ITGB5: variants seen among roughly 807,000 people sequenced by gnomAD.
The protein encoded by ITGB5 is integrin subunit beta 5, also known as integrin beta-5.
In ITGB5, 38 loss-of-function variants were observed where a neutral mutation model predicts 84.8. That is an observed-to-expected ratio of 0.45 (90% CI 0.35 to 0.59). The LOEUF (loss-of-function observed/expected upper bound fraction) is 0.59. ITGB5 is among the 20% of genes least tolerant of loss of function. The pLI is 0.01. For missense variants in ITGB5, 905 were observed against 1,034.5 expected, an observed-to-expected ratio of 0.87 and a Z score of 1.72; for synonymous variants, 393 against 414.4, an observed-to-expected ratio of 0.95 and a Z score of 0.63.
chr3:124,860,588 A>G (rs1579307335), intron 2 of ITGB5, among the ~76,000 whole-genome samples: 1 of 152,374 alleles, frequency 6.6e-6, no homozygotes, highest in East Asian at 1.9e-4. Context: ...ATTATAAATC[A>G]TGAAGCCTCC....
Position 124,796,720 on chromosome 3 carries a change from T to C in ITGB5, c.1361A>G (p.Glu454Gly). 6.2e-7 allele frequency: 1 copy of C among 1,614,098 alleles called. No individual in the cohort carries two copies. Among genetic ancestry groups the C allele is most frequent in the Non-Finnish European group, 8.5e-7 (1 of 1,180,034 alleles). Reference protein sequence around the residue: ...LRPVGFRDSLEVGVTYNCTCG... With the variant: ...LRPVGFRDSLGVGVTYNCTCG... ...CGTGCAGTTGTAGGTGACCCCCACCTCCAGGCTGTCCCGGAATCCCACCGG... is the reference window on the plus strand; with the variant it reads ...CGTGCAGTTGTAGGTGACCCCCACCCCCAGGCTGTCCCGGAATCCCACCGG... Residue 454 changes from glutamate (E) to glycine (G), a missense_variant, in exon 10 of 15, where the codon GAG becomes GGG. Physicochemically the swap from Glu to Gly is moderately conservative, Grantham distance 98. Around this residue, in one of 3 missense-constraint regions of ITGB5, gnomAD observed 656 missense variants for 734.7 expected, o/e 0.89. Coordinates refer to ENST00000296181, the MANE Select transcript of ITGB5 (RefSeq NM_002213.5).
At position 124,835,016 on chromosome 3, in the gene ITGB5, G is replaced by A. The variant is rs563493142; in HGVS notation, c.780+6367C>T. 8.5e-5 allele frequency among the ~76,000 whole-genome samples: 13 copies of A among 152,222 alleles called. No individual in the cohort carries two copies. The East Asian group carries it at 2.5e-3, about 29-fold the overall frequency. On this transcript the variant is annotated intron_variant, in intron 5 of 14. Coordinates refer to ENST00000296181, the MANE Select transcript of ITGB5 (RefSeq NM_002213.5). ...GAAAACAGAGCCCCAGCCATCAAAG[G>A]GGCCTCCTACCCTTTCCCCAGGATG...
At chr3:124,888,479 A>G (rs890860805), upstream of ITGB5, among the ~76,000 whole-genome samples, 3 of 152,094 alleles carry the variant, frequency 2.0e-5, no homozygotes, top group Admixed American at 2.0e-4. Flanking sequence ...TTTAGAGTGG[A>G]GTGGTTGATA....
At chr3:124,840,543 A>C (rs550535736) in intron 5 of ITGB5, among the ~76,000 whole-genome samples, 2 of 152,172 alleles carry the variant, frequency 1.3e-5, no homozygotes. Flanking sequence ...GAACCTCTCG[A>C]AGCATGAGTT....
chr3:124,796,557 C>T lies in ITGB5; in HGVS notation c.1524G>A (p.Val508=), dbSNP rs1280410558. 2 of 1,614,148 alleles carry T rather than the reference C, an allele frequency of 1.2e-6. No individual in the cohort carries two copies. The highest frequency in any genetic ancestry group is 1.7e-6 in the Non-Finnish European group (2 of 1,180,036). Residue 508 remains valine (V), a synonymous_variant, in exon 10 of 15, where the codon GTG becomes GTA. Transcript: ENST00000296181. ...CTGCCTCCCGGCACAGGTTCTGGTA[C>T]ACGCTCTGGTTCTCCCCATCCTGGC... ...CECQDGENQS[V]YQNLCREAEG...
rs181372104 is a variant in ITGB5 at position 124,886,459 on chromosome 3, G to A, written c.70+472C>T. ...CGCTGTTCCAGGAGGCGAGCCCTCC[G>A]GAGTGGAGGTGGCCCCGGGCTTTGG... On this transcript the variant is annotated intron_variant, in intron 1 of 14. Transcript: ENST00000296181. Among the ~76,000 whole-genome samples, 558 of 152,280 alleles carry A rather than the reference G, an allele frequency of 3.7e-3. 5 individuals carry two copies. The highest frequency in any genetic ancestry group is 0.012 in the African/African-American group (491 of 41,568).
chr3:124,822,880 A>T (rs1045020983), intron 5 of ITGB5, among the ~76,000 whole-genome samples: 2 of 152,214 alleles, frequency 1.3e-5, no homozygotes, highest in African/African-American at 4.8e-5. Flanking sequence ...TCCAATGCTA[A>T]TGGAAGCCAG....
upstream of ITGB5, among the ~76,000 whole-genome samples, chr3:124,888,285 T>C (rs1331353618): frequency 6.6e-6 from 1 of 152,210 alleles, no homozygotes; most frequent in Non-Finnish European, 1.5e-5. Flanking sequence ...CTATATTTCG[T>C]TGTCCTTACT....
At chr3:124,859,507 C>A in intron 2 of ITGB5, 61 bp from the exon 3 acceptor site, 8 of 1,352,754 alleles carry the variant, frequency 5.9e-6, no homozygotes, top group Non-Finnish European at 8.3e-6. Flanking sequence ...GAAAACATCG[C>A]ATGTCGTGGC....
At chr3:124,787,293 G>A (rs946181453) in intron 10 of ITGB5, among the ~76,000 whole-genome samples, 1 of 152,132 alleles carries the variant, frequency 6.6e-6, no homozygotes, top group Non-Finnish European at 1.5e-5. Flanking sequence ...CACAGGATCT[G>A]AGCGGTAAGC....
At chr3:124,828,665 C>A (rs2064818187) in intron 5 of ITGB5, among the ~76,000 whole-genome samples, 1 of 152,196 alleles carries the variant, frequency 6.6e-6, no homozygotes, top group African/African-American at 2.4e-5. Flanking sequence ...ATGTGTAGCT[C>A]ATTGTACATC....
intron 2 of ITGB5, among the ~76,000 whole-genome samples, chr3:124,861,495 T>TATATATATACACAC (rs750712591): frequency 2.4e-4 from 27 of 112,008 alleles, no homozygotes; most frequent in South Asian, 1.6e-3. Flanking sequence ...TATATATATA[T>TATATATATACACAC]ACACACACAC....
Position 124,763,336 on chromosome 3 carries a change from T to C in ITGB5, c.*287A>G, listed in dbSNP as rs988277600. 5.8e-5 allele frequency: 16 copies of C among 274,806 alleles called. No individual in the cohort carries two copies. The highest frequency in any genetic ancestry group is 1.5e-4 in the Admixed American group (3 of 20,250). The allele number at this position is 274,806 out of a possible 1,614,324, so 17.0% of individuals were successfully genotyped here. On this transcript the variant is annotated 3_prime_UTR_variant, in exon 15 of 15. Coordinates refer to ENST00000296181, the MANE Select transcript of ITGB5 (RefSeq NM_002213.5). Reference sequence around the variant, plus strand: ...GACAGCCCAGCATCTCAGTATTTCATTGGGACAACAAGCTGGATGTGGCAG... The same window carrying C: ...GACAGCCCAGCATCTCAGTATTTCACTGGGACAACAAGCTGGATGTGGCAG...
chr3:124,767,129 G>A (rs183481602), intron 12 of ITGB5, among the ~76,000 whole-genome samples: 2 of 152,346 alleles, frequency 1.3e-5, no homozygotes, highest in East Asian at 3.9e-4. Flanking sequence ...AAAGGAACTA[G>A]GGGAAGTGCA....
intron 10 of ITGB5, among the ~76,000 whole-genome samples, chr3:124,790,712 C>CTT (rs377759349): frequency 6.8e-6 from 1 of 146,472 alleles, no homozygotes; most frequent in African/African-American, 2.5e-5. Context: ...TCTTCTTGTT[C>CTT]TTTTTTTTTT....
chr3:124,834,718 C>T (rs954360050), intron 5 of ITGB5, among the ~76,000 whole-genome samples: 2 of 151,844 alleles, frequency 1.3e-5, no homozygotes, highest in Admixed American at 6.6e-5. Context: ...ACCAGGAATA[C>T]AGGGAAGTAG....
At chr3:124,805,681 G>A (rs1166832164) in intron 9 of ITGB5, among the ~76,000 whole-genome samples, 1 of 151,946 alleles carries the variant, frequency 6.6e-6, no homozygotes, top group Non-Finnish European at 1.5e-5. Flanking sequence ...TAAACTCCTG[G>A]CTTCAAGTGA....
chr3:124,853,435 C>T (rs1275103014), intron 3 of ITGB5, among the ~76,000 whole-genome samples: 5 of 152,202 alleles, frequency 3.3e-5, no homozygotes, highest in Non-Finnish European at 7.3e-5. Flanking sequence ...TGACTGTTGA[C>T]CTATGGAACC....
intron 9 of ITGB5, among the ~76,000 whole-genome samples, chr3:124,805,759 T>G (rs1395527771): frequency 6.6e-6 from 1 of 152,122 alleles, no homozygotes; most frequent in Admixed American, 6.5e-5. Flanking sequence ...GCGGACTTTT[T>G]TTTTTTAATC....
Sources: allele counts gnomAD v4.1 joint callset (sites outside exome capture counted in the v4.1 genomes callset), GRCh38; gene constraint gnomAD v4.1.1; regional missense constraint gnomAD v4.1.1; transcripts MANE v1.5; gene names NCBI Gene and HGNC (gene_info 2026-07-23, HGNC 2026-07-21).